The following TRAPPC6A variants were observed in gnomAD, a reference collection of about 807,000 sequenced individuals.
The protein encoded by TRAPPC6A is trafficking protein particle complex subunit 6A.
A neutral mutation model predicts 20.8 loss-of-function variants in TRAPPC6A; 25 were observed. The observed-to-expected ratio is 1.20, with a 90% CI of 0.88 to 1.68. The LOEUF (loss-of-function observed/expected upper bound fraction) is 1.68, where lower values mean the gene tolerates loss of function less well. Among genes scored for constraint, TRAPPC6A ranks in the 40% most tolerant of loss-of-function variants. The pLI, the probability that TRAPPC6A is intolerant of heterozygous loss-of-function variation, is 0.00. For synonymous variants in TRAPPC6A, 96 were observed against 93.3 expected, an observed-to-expected ratio of 1.03 and a Z score of -0.16; for missense variants, 215 against 211.6, an observed-to-expected ratio of 1.02 and a Z score of -0.10.
At chr19:45,167,985 G>C (rs1426200359) in intron 1 of TRAPPC6A, among the ~76,000 whole-genome samples, 3 of 144,288 alleles carry the variant, frequency 2.1e-5, no homozygotes, top group Admixed American at 6.9e-5. Context: ...GCAACAGCAA[G>C]ACCCTGTCTT....
chr19:45,172,100 G>C lies in TRAPPC6A; in HGVS notation c.84+6035C>G, dbSNP rs1182654142. On this transcript the variant is annotated intron_variant, in intron 1 of 5. Coordinates refer to ENST00000585934, the MANE Select transcript of TRAPPC6A (RefSeq NM_001270891.2). This position sits in a 1 kb window ranked among gnomAD's most constrained non-coding sequence, Gnocchi z 4.2. Reference sequence around the variant, plus strand: ...GCCGGTCCTCCAGTTCACAACCTGTGACAGCCCAGGAGAATGGCCACAAAT... The same window carrying C: ...GCCGGTCCTCCAGTTCACAACCTGTCACAGCCCAGGAGAATGGCCACAAAT... 2.0e-5 allele frequency among the ~76,000 whole-genome samples: 3 copies of C among 151,958 alleles called. No individual in the cohort carries two copies. Among genetic ancestry groups the C allele is most frequent in the Admixed American group, 6.5e-5 (1 of 15,276 alleles).
chr19:45,168,333 C>T (rs1313585384), intron 1 of TRAPPC6A, among the ~76,000 whole-genome samples: 1 of 152,140 alleles, frequency 6.6e-6, no homozygotes, highest in Non-Finnish European at 1.5e-5. Flanking sequence ...AAATAAAAAA[C>T]AAAAAACCAG....
chr19:45,168,088 C>T (rs1969196471), intron 1 of TRAPPC6A, among the ~76,000 whole-genome samples: 1 of 150,026 alleles, frequency 6.7e-6, no homozygotes, highest in Non-Finnish European at 1.5e-5. Context: ...CTGCAAGCTC[C>T]GCCTCCCGGG....
intron 2 of TRAPPC6A, 65 bp downstream of exon 2, chr19:45,165,062 C>T (rs1969119319): frequency 6.2e-7 from 1 of 1,611,108 alleles, no homozygotes; most frequent in East Asian, 2.2e-5. Context: ...ATGCAACCCT[C>T]CCCGCCCGGG....
At chr19:45,164,377 TCA>T in intron 3 of TRAPPC6A, 130 bp from the exon 4 acceptor site, 1 of 655,640 alleles carries the variant, frequency 1.5e-6, no homozygotes, top group Non-Finnish European at 2.6e-6. Flanking sequence ...ACCACTGGAG[TCA>T]CAGCCTTGGC....
At chr19:45,165,618 G>A (rs765526645) in intron 1 of TRAPPC6A, among the ~76,000 whole-genome samples, 14 of 152,230 alleles carry the variant, frequency 9.2e-5, no homozygotes, top group Non-Finnish European at 2.1e-4. Context: ...CCTGCCCAAG[G>A]GCTGGAGGCT....
chr19:45,162,955 G>A lies in TRAPPC6A; in HGVS notation c.*237C>T. 1 of 414,170 alleles carries A rather than the reference G, an allele frequency of 2.4e-6. No individual in the cohort carries two copies. The highest frequency in any genetic ancestry group is 4.3e-6 in the Non-Finnish European group (1 of 232,892). 25.7% of individuals were successfully genotyped at this position (414,170 alleles called of 1,614,324 possible). ...AGATTCCACACACACAGCCTTTATTGAGCAGCTACTGGGCAGTGACGCTGC... is the reference window on the plus strand; with the variant it reads ...AGATTCCACACACACAGCCTTTATTAAGCAGCTACTGGGCAGTGACGCTGC... On this transcript the variant is annotated 3_prime_UTR_variant, in exon 6 of 6. Coordinates refer to ENST00000585934, the MANE Select transcript of TRAPPC6A (RefSeq NM_001270891.2).
At position 45,164,197 on chromosome 19, in the gene TRAPPC6A, G is replaced by T; in HGVS notation, c.321C>A (p.Ala107=). ...CTTCCTCCAGATACTGCAGGCCAGA[G>T]GCCATCGGGAGGAGGAGGGGGAAGC... ...DNSFPLLLPM[A]SGLQYLEEAP... Residue 107 remains alanine, a synonymous_variant, in exon 4 of 6, where the codon GCC becomes GCA. Transcript: ENST00000585934. 1 of 1,610,514 alleles carries T rather than the reference G, an allele frequency of 6.2e-7. No homozygotes were observed. Among genetic ancestry groups the T allele is most frequent in the Non-Finnish European group, 8.5e-7 (1 of 1,178,354 alleles).
rs1027772202 is a variant in TRAPPC6A at position 45,163,832 on chromosome 19, C to T, written c.448+84G>A. ...CTTAAAACTGGGCCTGCCTCCCAGGCACACACACAGGAGTGGGGCTGGAAC... is the reference window on the plus strand; with the variant it reads ...CTTAAAACTGGGCCTGCCTCCCAGGTACACACACAGGAGTGGGGCTGGAAC... On this transcript the variant is annotated intron_variant, in intron 5 of 5. Transcript: ENST00000585934. The surrounding 1 kb of genome is among the most constrained non-coding windows in gnomAD (Gnocchi z 5.3). 3.0e-5 allele frequency: 38 copies of T among 1,248,362 alleles called. No homozygotes were observed. The highest frequency in any genetic ancestry group is 4.1e-5 in the Non-Finnish European group (36 of 884,578). 77.3% of individuals were successfully genotyped at this position (1,248,362 alleles called of 1,614,324 possible). A position where few individuals can be genotyped will look rare whatever the true frequency, so the allele number is the denominator to read the frequency against.
chr19:45,162,993 CCCACCACA>C lies in TRAPPC6A; in HGVS notation c.*191_*198del. 1 of 464,836 alleles carries C rather than the reference CCCACCACA, an allele frequency of 2.2e-6. No homozygotes were observed. The allele number at this position is 464,836 out of a possible 1,614,324, so 28.8% of individuals were successfully genotyped here. Reference sequence around the variant, plus strand: ...GCAGTGACGCTGCCGAGGCGGGAATCCCACCACAGTCCTGACCGCAGCTGGGACCCCTT... The same window carrying C: ...GCAGTGACGCTGCCGAGGCGGGAATCGTCCTGACCGCAGCTGGGACCCCTT... On this transcript the variant is annotated 3_prime_UTR_variant, in exon 6 of 6. Coordinates refer to ENST00000585934, the MANE Select transcript of TRAPPC6A (RefSeq NM_001270891.2).
chr19:45,164,780 G>C lies in TRAPPC6A; in HGVS notation c.270+73C>G, dbSNP rs531886546. On this transcript the variant is annotated intron_variant, in intron 3 of 5. Transcript: ENST00000585934. ...TCCCGGCAGCCGCTGCTCTGGCGCC[G>C]GGGGATTCCCCTCCCACTCTCTTGG... 2.3e-4 allele frequency: 334 copies of C among 1,424,732 alleles called. 2 individuals are homozygous for C. The African/African-American group carries it at 4.1e-3, about 18-fold the overall frequency. 88.3% of individuals were successfully genotyped at this position (1,424,732 alleles called of 1,614,324 possible). A position where few individuals can be genotyped will look rare whatever the true frequency, so the allele number is the denominator to read the frequency against.
intron 1 of TRAPPC6A, among the ~76,000 whole-genome samples, chr19:45,176,970 C>G (rs1162808652): frequency 1.3e-5 from 2 of 149,834 alleles, no homozygotes; most frequent in African/African-American, 4.9e-5. Context: ...AGATGGAGAC[C>G]ATCCTGGCTA....
intron 1 of TRAPPC6A, among the ~76,000 whole-genome samples, chr19:45,171,439 G>C (rs931962611): frequency 6.6e-6 from 1 of 152,194 alleles, no homozygotes; most frequent in African/African-American, 2.4e-5. Flanking sequence ...CCTCTGCTGA[G>C]TTTACACACA....
chr19:45,164,967 C>A lies in TRAPPC6A; in HGVS notation c.156G>T (p.Leu52=), dbSNP rs1261204056. ...FRVGQALGER[L]PRETLAFREE... is the part of the protein sequence containing the mutation. ...CCCTGAAGGCCAGCGTCTCCCGGGG[C>A]AGCCTGGTGGGGCAGTACCAAGCTG... The change falls in exon 3 of 6, where the codon CTG becomes CTT. Residue 52 remains leucine (L), a synonymous_variant. Coordinates refer to ENST00000585934, the MANE Select transcript of TRAPPC6A (RefSeq NM_001270891.2). The A allele has an allele frequency of 7.4e-6, 12 of 1,613,964 alleles. No homozygotes were observed. The highest frequency in any genetic ancestry group is 1.0e-5 in the Non-Finnish European group (12 of 1,179,946).
intron 1 of TRAPPC6A, among the ~76,000 whole-genome samples, chr19:45,176,596 G>A (rs1969380586): frequency 6.6e-6 from 1 of 152,206 alleles, no homozygotes. Flanking sequence ...GGGATTACAG[G>A]TGCAAGTCGC....
rs1285389653 is a variant in TRAPPC6A at position 45,163,281 on chromosome 19, T to C, written c.449-58A>G. The C allele has an allele frequency of 6.9e-6, 11 of 1,596,204 alleles. No homozygotes were observed. The Admixed American group carries it at 1.7e-4, about 24-fold the overall frequency. On this transcript the variant is annotated intron_variant, in intron 5 of 5. Coordinates refer to ENST00000585934, the MANE Select transcript of TRAPPC6A (RefSeq NM_001270891.2). The surrounding 1 kb of genome is among the most constrained non-coding windows in gnomAD (Gnocchi z 5.3). ...TGGGATGGGGGAGGCAGAGGGCACCTGGACGGCTCTTAGGCGCTCACCCCC... is the reference window on the plus strand; with the variant it reads ...TGGGATGGGGGAGGCAGAGGGCACCCGGACGGCTCTTAGGCGCTCACCCCC...
chr19:45,164,059 C>G (rs367983266), intron 4 of TRAPPC6A, 50 bp from the exon 5 acceptor site: 3 of 1,552,572 alleles, frequency 1.9e-6, no homozygotes, highest in Non-Finnish European at 1.7e-6. Flanking sequence ...GGCCAGCACC[C>G]GAGGTCTGGG....
At position 45,163,756 on chromosome 19, in the gene TRAPPC6A, G is replaced by A. The variant is rs932913396; in HGVS notation, c.448+160C>T. ...CTCTCTGCAGGGCTGGCGACGTCACGGAGCCAGGGGCACAGATGGGCCTGC... is the reference window on the plus strand; with the variant it reads ...CTCTCTGCAGGGCTGGCGACGTCACAGAGCCAGGGGCACAGATGGGCCTGC... On this transcript the variant is annotated intron_variant, in intron 5 of 5. Coordinates refer to ENST00000585934, the MANE Select transcript of TRAPPC6A (RefSeq NM_001270891.2). The surrounding 1 kb of genome is among the most constrained non-coding windows in gnomAD (Gnocchi z 5.3). Among the ~76,000 whole-genome samples the A allele has an allele frequency of 6.6e-6, 1 of 152,130 alleles. No homozygotes were observed. Among genetic ancestry groups the A allele is most frequent in the Non-Finnish European group, 1.5e-5 (1 of 68,014 alleles).
chr19:45,164,832 G>A, intron 3 of TRAPPC6A, 21 bp downstream of exon 3: 4 of 1,607,564 alleles, frequency 2.5e-6, no homozygotes, highest in Non-Finnish European at 3.4e-6. Context: ...AAGCTGGACG[G>A]GCAGGCCGGG....
Sources: gnomAD v4.1 joint callset for allele counts (sites outside exome capture counted in the v4.1 genomes callset) on GRCh38, gnomAD v4.1.1 for gene constraint, Gnocchi (gnomAD v3.1) non-coding constraint, MANE v1.5 for transcripts, NCBI Gene and HGNC (gene_info 2026-07-23, HGNC 2026-07-21) for gene names.